The following CCDC88C variants were observed in gnomAD, a reference collection of about 807,000 sequenced individuals.
CCDC88C encodes the protein protein Daple.
CCDC88C carries 131 observed loss-of-function variants against 198.8 expected under a neutral mutation model. The ratio of observed to expected loss-of-function variants is 0.66; its 90% confidence interval spans 0.57 to 0.76. The LOEUF (loss-of-function observed/expected upper bound fraction) is 0.76, where lower values mean the gene tolerates loss of function less well. Among genes scored for constraint, CCDC88C ranks in the 30% least tolerant of loss-of-function variants. The pLI, the probability that CCDC88C is intolerant of heterozygous loss-of-function variation, is 0.00. For missense variants in CCDC88C, 2,553 were observed against 2,631.6 expected, an observed-to-expected ratio of 0.97 and a Z score of 0.65; for synonymous variants, 1,166 against 1,114.7, an observed-to-expected ratio of 1.05 and a Z score of -0.92.
At chr14:91,384,594 G>A in intron 3 of CCDC88C, 1 of 445,014 alleles carries the variant, frequency 2.2e-6, no homozygotes, top group East Asian at 6.9e-5. Flanking sequence ...GAAAAACTAT[G>A]ACCTTCACTA....
intron 23 of CCDC88C, among the ~76,000 whole-genome samples, chr14:91,292,835 C>T (rs1235139807): frequency 6.6e-6 from 1 of 152,168 alleles, no homozygotes; most frequent in Non-Finnish European, 1.5e-5. Context: ...GGTTCGTCCC[C>T]TTGCCTTCTA....
intron 13 of CCDC88C, among the ~76,000 whole-genome samples, chr14:91,316,482 G>C (rs1306577983): frequency 2.6e-5 from 4 of 151,942 alleles, no homozygotes; most frequent in Non-Finnish European, 5.9e-5. Context: ...GAGTACAATG[G>C]CATGATCTTG....
rs185297422 is a variant in CCDC88C at position 91,415,113 on chromosome 14, G to A, written c.161+1625C>T. 6.6e-5 allele frequency among the ~76,000 whole-genome samples: 10 copies of A among 152,214 alleles called. No individual in the cohort carries two copies. The East Asian group carries it at 1.9e-3, about 29-fold the overall frequency. ...CTGGTTTTTTTAATTAAACAGTCTT[G>A]GGCTTGGGTAAGGACAGGTTGAAGT... On this transcript the variant is annotated intron_variant, in intron 2 of 29. Coordinates refer to ENST00000389857, the MANE Select transcript of CCDC88C (RefSeq NM_001080414.4).
rs1257132513 is a variant in CCDC88C, at chr14:91,307,154, G to T, written c.3079C>A (p.Pro1027Thr). Residue 1027 changes from proline (P) to threonine (T), a missense_variant, in exon 18 of 30, where the codon CCT (proline) becomes ACT (threonine). Physicochemically the swap from Pro to Thr is conservative, Grantham distance 38. Around this residue, in one of 2 missense-constraint regions of CCDC88C, gnomAD observed 1,260 missense variants for 1,412.0 expected, o/e 0.89. Transcript: ENST00000389857. ...GQHLQNSFKH[P>T]AGKTAASHQG... ...TGACTGGCGGCTGTCTTCCCCGCAG[G>T]GTGCTTGAAAGAGTTCTGCAAGTGC... The T allele has an allele frequency of 6.2e-7, 1 of 1,613,918 alleles. No homozygotes were observed. The highest frequency in any genetic ancestry group is 8.5e-7 in the Non-Finnish European group (1 of 1,179,888).
chr14:91,401,313 T>TA (rs1886186036), intron 3 of CCDC88C, among the ~76,000 whole-genome samples: 3 of 101,432 alleles, frequency 3.0e-5, no homozygotes, highest in African/African-American at 1.0e-4. Flanking sequence ...ATGTATATAT[T>TA]TATTATATAT....
At chr14:91,283,809 G>A (rs1243850412) in intron 25 of CCDC88C, among the ~76,000 whole-genome samples, 10 of 152,134 alleles carry the variant, frequency 6.6e-5, no homozygotes. Context: ...GCCCCTGAGG[G>A]GATAAACTGT....
At chr14:91,389,268 G>GT (rs1885337443) in intron 3 of CCDC88C, among the ~76,000 whole-genome samples, 1 of 152,148 alleles carries the variant, frequency 6.6e-6, no homozygotes, top group Non-Finnish European at 1.5e-5. Context: ...GAGTCCAAAC[G>GT]TTAAGAGAAA....
At chr14:91,274,742 C>G (rs1396629209) in intron 29 of CCDC88C, among the ~76,000 whole-genome samples, 4 of 152,178 alleles carry the variant, frequency 2.6e-5, no homozygotes. Flanking sequence ...GTTCTGGGAA[C>G]CACATGTATA....
intron 25 of CCDC88C, chr14:91,285,768 G>A: frequency 1.6e-6 from 2 of 1,289,132 alleles, no homozygotes; most frequent in East Asian, 5.5e-5. Context: ...AGAGCTGGGT[G>A]GGTCGTTGGA....
chr14:91,300,024 T>G lies in CCDC88C; in HGVS notation c.3682A>C (p.Lys1228Gln), dbSNP rs1459751627. The part of the protein sequence containing the change: ...KRKAELEERE[K>Q]VLTTEREALQ... ...GCCTCTCGCTCAGTGGTCAAGACCT[T>G]CTCCCGCTCCTCCAGCTCCGCCTTG... is the stretch of plus-strand genomic sequence containing the variant. The change falls in exon 21 of 30, where the codon AAG becomes CAG. Residue 1228 changes from lysine to glutamine, a missense_variant. Lys to Gln is a moderately conservative substitution (Grantham distance 53, BLOSUM62 1). Coordinates refer to ENST00000389857, the MANE Select transcript of CCDC88C (RefSeq NM_001080414.4). 1.2e-6 allele frequency: 2 copies of G among 1,605,510 alleles called. No homozygotes were observed. Among genetic ancestry groups the G allele is most frequent in the Non-Finnish European group, 1.7e-6 (2 of 1,176,374 alleles).
intron 3 of CCDC88C, among the ~76,000 whole-genome samples, chr14:91,377,229 C>A (rs1884486047): frequency 6.6e-6 from 1 of 152,192 alleles, no homozygotes; most frequent in Non-Finnish European, 1.5e-5. Flanking sequence ...GGCATGGGTG[C>A]CACGCGAGCC....
rs927409058 is a variant in CCDC88C, at chr14:91,352,575, C to T, written c.340+7067G>A. Among the ~76,000 whole-genome samples the T allele has an allele frequency of 6.6e-6, 1 of 152,152 alleles. No individual in the cohort carries two copies. The highest frequency in any genetic ancestry group is 2.4e-5 in the African/African-American group (1 of 41,412). Reference sequence around the variant, plus strand: ...ACAATCAAAATGCCTGCAAGATTAGCTTTTTCTTATTTCTTCCCTCCCATT... The same window carrying T: ...ACAATCAAAATGCCTGCAAGATTAGTTTTTTCTTATTTCTTCCCTCCCATT... On this transcript the variant is annotated intron_variant, in intron 4 of 29. Coordinates refer to ENST00000389857, the MANE Select transcript of CCDC88C (RefSeq NM_001080414.4). This position sits in a 1 kb window ranked among gnomAD's most constrained non-coding sequence, Gnocchi z 4.2.
intron 3 of CCDC88C, among the ~76,000 whole-genome samples, chr14:91,396,744 C>T (rs981852988): frequency 2.6e-5 from 4 of 152,194 alleles, no homozygotes; most frequent in Non-Finnish European, 5.9e-5. Flanking sequence ...CATAAACACA[C>T]ATCTCTGTAA....
rs17127263 is a variant in CCDC88C, at chr14:91,347,463, G to A, written c.341-3806C>T. 1.4e-4 allele frequency among the ~76,000 whole-genome samples: 22 copies of A among 152,144 alleles called. No individual in the cohort carries two copies. The South Asian group carries it at 2.9e-3, about 20-fold the overall frequency. On this transcript the variant is annotated intron_variant, in intron 4 of 29. Transcript: ENST00000389857. Reference sequence around the variant, plus strand: ...GGGCTCAAAACTACACTCTGAGGCCGGGTGAACTCAAACAAATTTACAAGA... The same window carrying A: ...GGGCTCAAAACTACACTCTGAGGCCAGGTGAACTCAAACAAATTTACAAGA...
At chr14:91,283,663 T>C (rs534378366) in intron 25 of CCDC88C, 146 bp from the exon 26 acceptor site, 5 of 749,412 alleles carry the variant, frequency 6.7e-6, no homozygotes, top group African/African-American at 1.8e-5. Flanking sequence ...GGCTGCAACT[T>C]AAATGGGGCC....
intron 3 of CCDC88C, among the ~76,000 whole-genome samples, chr14:91,391,508 G>A (rs1323209058): frequency 6.6e-6 from 1 of 152,188 alleles, no homozygotes; most frequent in African/African-American, 2.4e-5. Context: ...GCCGGGCACA[G>A]TGACTCACAC....
chr14:91,294,389 C>T, intron 22 of CCDC88C, 71 bp from the exon 23 acceptor site: 1 of 1,555,036 alleles, frequency 6.4e-7, no homozygotes, highest in Non-Finnish European at 8.8e-7. Flanking sequence ...ACCTAGCTCC[C>T]AAAGGAAGAA....
intron 2 of CCDC88C, among the ~76,000 whole-genome samples, chr14:91,415,918 G>A (rs542721926): frequency 6.6e-6 from 1 of 152,246 alleles, no homozygotes; most frequent in East Asian, 1.9e-4. Context: ...GTGAATAGGT[G>A]CGCACACGAG....
intron 26 of CCDC88C, among the ~76,000 whole-genome samples, 156 bp from the exon 27 acceptor site, chr14:91,281,681 A>AC (rs1227901989): frequency 2.0e-5 from 3 of 151,772 alleles, no homozygotes; most frequent in African/African-American, 7.3e-5. Context: ...TGCCTCTCCT[A>AC]CCCCTCCACC....
Sources: gnomAD v4.1 joint callset for allele counts (sites outside exome capture counted in the v4.1 genomes callset) on GRCh38, gnomAD v4.1.1 for gene constraint, gnomAD v4.1.1 regional missense constraint, Gnocchi (gnomAD v3.1) non-coding constraint, MANE v1.5 for transcripts, NCBI Gene and HGNC (gene_info 2026-07-23, HGNC 2026-07-21) for gene names.